INSL6: variants seen among roughly 807,000 people sequenced by gnomAD.
The protein encoded by INSL6 is insulin like 6.
A neutral mutation model predicts 9.4 loss-of-function variants in INSL6; 16 were observed. The observed-to-expected ratio is 1.70, with a 90% CI of 1.15 to 2.59. The LOEUF is 2.59. Ranked by LOEUF, INSL6 falls within the 30% of genes most tolerant of loss-of-function variation. The pLI is 0.00. For synonymous variants in INSL6, 154 were observed against 96.9 expected (o/e 1.59, Z -3.46); for missense variants, 391 against 257.3 (o/e 1.52, Z -3.56).
the INSL6 span, chr9:5,100,454 A>T: frequency 6.6e-6 from 1 of 152,216 alleles, no homozygotes; most frequent in African/African-American, 2.4e-5. Context: ...ACCATACAAC[A>T]GTTGTCCAAA....
intron 1 of INSL6, among the ~76,000 whole-genome samples, chr9:5,179,536 C>A (rs1378505345): frequency 1.3e-5 from 2 of 152,208 alleles, no homozygotes; most frequent in Non-Finnish European, 2.9e-5. Context: ...TATAAAGATA[C>A]ATGCAAGCAT....
the INSL6 span, among the ~76,000 whole-genome samples, chr9:5,005,279 G>A: frequency 3.3e-5 from 5 of 151,288 alleles, no homozygotes; most frequent in African/African-American, 4.9e-5. Context: ...TATCTGTTCC[G>A]GTCCTTTGCC....
chr9:5,179,301 C>T (rs1260486881), intron 1 of INSL6, among the ~76,000 whole-genome samples: 2 of 152,092 alleles, frequency 1.3e-5, no homozygotes, highest in African/African-American at 4.8e-5. Context: ...ATCAAGATTA[C>T]AATGAGATAC....
the INSL6 span, among the ~76,000 whole-genome samples, chr9:5,036,052 T>C: frequency 6.6e-6 from 1 of 152,200 alleles, no homozygotes; most frequent in Non-Finnish European, 1.5e-5. Flanking sequence ...ACAAAATCAA[T>C]GTGCAAAAAT....
the INSL6 span, among the ~76,000 whole-genome samples, chr9:5,012,563 C>T: frequency 6.6e-6 from 1 of 152,030 alleles, no homozygotes; most frequent in Non-Finnish European, 1.5e-5. Flanking sequence ...GCAACCCAGC[C>T]TTGGTCTGGA....
chr9:5,048,905 C>T, the INSL6 span, among the ~76,000 whole-genome samples: 1 of 152,006 alleles, frequency 6.6e-6, no homozygotes, highest in African/African-American at 2.4e-5. Context: ...TGGCTCTTAC[C>T]TTTTTTTCTA....
At position 5,135,305 on chromosome 9, in the gene INSL6, G is replaced by C. The variant is rs530903943; in HGVS notation, c.377-1713C>G. On this transcript the variant is annotated intron_variant, in intron 2 of 3. Coordinates refer to the INSL6 transcript ENST00000649639. ...ACAGAAAATTAACAAGGATATCCAG[G>C]ACTTGAACTCAGCTCTGGACCAAGC... is the stretch of plus-strand genomic sequence containing the variant. Among the ~76,000 whole-genome samples, 3 of 152,124 alleles carry C rather than the reference G, an allele frequency of 2.0e-5. No individual in the cohort carries two copies. The South Asian group carries it at 6.3e-4, about 32-fold the overall frequency.
chr9:5,034,862 C>A, the INSL6 span, among the ~76,000 whole-genome samples: 1 of 152,054 alleles, frequency 6.6e-6, no homozygotes, highest in African/African-American at 2.4e-5. Flanking sequence ...CAAAAGCTAG[C>A]AGAAGGCAAG....
the INSL6 span, among the ~76,000 whole-genome samples, chr9:5,002,082 A>C: frequency 6.6e-6 from 1 of 151,872 alleles, no homozygotes; most frequent in Non-Finnish European, 1.5e-5. Flanking sequence ...TTGTAAATTG[A>C]TCATCTTAGA....
intron 2 of INSL6, among the ~76,000 whole-genome samples, chr9:5,158,395 T>G (rs1292435891): frequency 3.9e-5 from 6 of 152,156 alleles, no homozygotes; most frequent in African/African-American, 1.4e-4. Flanking sequence ...CAAGTGAATT[T>G]AAGCCAAAGA....
At chr9:5,154,354 T>C (rs1272040167) in intron 2 of INSL6, among the ~76,000 whole-genome samples, 1 of 152,122 alleles carries the variant, frequency 6.6e-6, no homozygotes, top group Non-Finnish European at 1.5e-5. Context: ...ATGTTAGACC[T>C]AAAACCATAA....
At chr9:5,085,287 G>A in the INSL6 span, 1 of 710,844 alleles carries the variant, frequency 1.4e-6, no homozygotes, top group Non-Finnish European at 2.7e-6. Context: ...GTTTGCCTAT[G>A]TTAGAACATG....
the INSL6 span, among the ~76,000 whole-genome samples, chr9:5,036,738 A>C: frequency 6.6e-6 from 1 of 152,230 alleles, no homozygotes; most frequent in African/African-American, 2.4e-5. Flanking sequence ...CTTAAATGTT[A>C]GACCTAAAAC....
chr9:5,163,238 T>C (rs1301971195), downstream of INSL6, among the ~76,000 whole-genome samples: 2 of 152,230 alleles, frequency 1.3e-5, no homozygotes, highest in Admixed American at 1.3e-4. Context: ...TGCTGCCGAT[T>C]TGGTAAGGGA....
chr9:5,076,526 T>G, the INSL6 span, among the ~76,000 whole-genome samples: 7 of 152,170 alleles, frequency 4.6e-5, no homozygotes, highest in East Asian at 1.3e-3. Flanking sequence ...GATATATTCT[T>G]TGTTTTTTTT....
chr9:5,040,702 T>C, the INSL6 span, among the ~76,000 whole-genome samples: 3 of 152,342 alleles, frequency 2.0e-5, no homozygotes, highest in Middle Eastern at 3.4e-3. Flanking sequence ...CCAAAAAGCA[T>C]GTAAAAAGAT....
intron 2 of INSL6, among the ~76,000 whole-genome samples, chr9:5,145,012 T>C (rs1824573561): frequency 6.6e-6 from 1 of 152,212 alleles, no homozygotes; most frequent in African/African-American, 2.4e-5. Flanking sequence ...ATTATAATGC[T>C]GGCTGGTTAT....
At chr9:5,094,638 C>T in the INSL6 span, 1 of 152,280 alleles carries the variant, frequency 6.6e-6, no homozygotes, top group Middle Eastern at 3.4e-3. Flanking sequence ...TATTTCCACA[C>T]TAGCAAAAAC....
intron 2 of INSL6, among the ~76,000 whole-genome samples, chr9:5,150,256 TTA>T (rs35036287): frequency 0.36 from 54,633 of 151,758 alleles, 10,648 homozygotes; most frequent in African/African-American, 0.53. Flanking sequence ...TAAGACATAG[TTA>T]TAAACTAGAA....
Sources: gnomAD v4.1 joint callset for allele counts (sites outside exome capture counted in the v4.1 genomes callset) on GRCh38, gnomAD v4.1.1 for gene constraint, MANE v1.5 for transcripts, NCBI Gene and HGNC (gene_info 2026-07-23, HGNC 2026-07-21) for gene names.